The following SSH2 variants were observed in gnomAD, a reference collection of about 807,000 sequenced individuals.
The protein encoded by SSH2 is protein phosphatase Slingshot homolog 2.
A neutral mutation model predicts 135.2 loss-of-function variants in SSH2; 37 were observed. The observed-to-expected ratio is 0.27, with a 90% CI of 0.21 to 0.36. The LOEUF is 0.36. Ranked by LOEUF, SSH2 falls within the 10% of genes least tolerant of loss-of-function variation. The pLI is 1.00. For synonymous variants in SSH2, 628 were observed against 646.2 expected (o/e 0.97, Z 0.43); for missense variants, 1,408 against 1,765.3 (o/e 0.80, Z 3.63).
intron 1 of SSH2, among the ~76,000 whole-genome samples, chr17:29,909,071 C>T (rs1050707764): frequency 1.1e-4 from 17 of 151,590 alleles, no homozygotes; most frequent in Non-Finnish European, 2.2e-4. Context: ...AGCAAGACTC[C>T]GTCTCAAAGG....
intron 1 of SSH2, among the ~76,000 whole-genome samples, chr17:29,853,139 T>G (rs1599094002): frequency 6.9e-6 from 1 of 144,102 alleles, no homozygotes; most frequent in East Asian, 2.1e-4. Context: ...CAGGCGGGAG[T>G]GCAGTGGCGC....
chr17:29,838,122 C>T (rs2042975952), intron 2 of SSH2, among the ~76,000 whole-genome samples: 1 of 152,282 alleles, frequency 6.6e-6, no homozygotes, highest in Non-Finnish European at 1.5e-5. Context: ...TGTCTGGCTT[C>T]TCCTGGCTGT....
At chr17:29,760,419 C>T (rs1364758079) in intron 3 of SSH2, among the ~76,000 whole-genome samples, 1 of 152,104 alleles carries the variant, frequency 6.6e-6, no homozygotes, top group African/African-American at 2.4e-5. Context: ...AGGAAAAGTT[C>T]CTCTACTTGA....
chr17:29,884,226 T>A (rs2066191327), intron 1 of SSH2, among the ~76,000 whole-genome samples: 1 of 152,220 alleles, frequency 6.6e-6, no homozygotes, highest in African/African-American at 2.4e-5. Flanking sequence ...GCTTCCACAC[T>A]ACCAACTCAT....
At chr17:29,637,475 C>T (rs1400125903) in intron 14 of SSH2, among the ~76,000 whole-genome samples, 1 of 152,178 alleles carries the variant, frequency 6.6e-6, no homozygotes, top group Non-Finnish European at 1.5e-5. Flanking sequence ...AATACTACTA[C>T]AAGTACACAC....
intron 15 of SSH2, among the ~76,000 whole-genome samples, chr17:29,635,429 G>C (rs2035862786): frequency 6.6e-6 from 1 of 151,202 alleles, no homozygotes; most frequent in Non-Finnish European, 1.5e-5. Context: ...TTTGAGACAA[G>C]AGTCTTGCTC....
At position 29,631,149 on chromosome 17, in the gene SSH2, A is replaced by C; in HGVS notation, c.4045T>G (p.Ser1349Ala). The C allele has an allele frequency of 6.2e-7, 1 of 1,614,122 alleles. No individual in the cohort carries two copies. Among genetic ancestry groups the C allele is most frequent in the Non-Finnish European group, 8.5e-7 (1 of 1,180,018 alleles). ...GTTGTTGTGAGTTGTTCTACAAAAG[A>C]CTTGGTGGGCTCTGGGTTGTGGGGG... Reference protein sequence around the residue: ...GAPHNPEPTKSFVEQLTTTEC... With the variant: ...GAPHNPEPTKAFVEQLTTTEC... Residue 1349 changes from serine to alanine, a missense_variant, in exon 16 of 16, where the codon TCT (serine) becomes GCT (alanine). Ser to Ala is a moderately conservative substitution (Grantham distance 99, BLOSUM62 1). This residue lies in a region of SSH2 where 1,080 missense variants were observed against 1,144.5 expected (regional missense o/e 0.94). Transcript: ENST00000540801.
chr17:29,778,794 A>T (rs2041770277), intron 3 of SSH2, among the ~76,000 whole-genome samples: 1 of 132,522 alleles, frequency 7.5e-6, no homozygotes, highest in South Asian at 2.4e-4. Context: ...AGATCATGCC[A>T]CTGCACTCTA....
intron 6 of SSH2, among the ~76,000 whole-genome samples, chr17:29,679,964 A>C (rs1047755578): frequency 6.6e-6 from 1 of 152,144 alleles, no homozygotes; most frequent in African/African-American, 2.4e-5. Flanking sequence ...TCTCAGCCTT[A>C]ATTTCTTCAT....
chr17:29,760,805 T>C (rs2041266814), intron 3 of SSH2, among the ~76,000 whole-genome samples: 1 of 151,268 alleles, frequency 6.6e-6, no homozygotes. Context: ...TTCTGTCGAC[T>C]ACCCTTCACC....
rs146585484 is a variant in SSH2, at chr17:29,679,076, C to T, written c.480-1335G>A. Reference sequence around the variant, plus strand: ...GGGCTTTAAGTTAATGGAAGAGGTTCGTACAGAAAGCCATGGACCCCTGAT... The same window carrying T: ...GGGCTTTAAGTTAATGGAAGAGGTTTGTACAGAAAGCCATGGACCCCTGAT... On this transcript the variant is annotated intron_variant, in intron 6 of 15. Transcript: ENST00000540801. 3.8e-3 allele frequency among the ~76,000 whole-genome samples: 580 copies of T among 152,260 alleles called. 5 individuals are homozygous for T. Among genetic ancestry groups the T allele is most frequent in the African/African-American group, 0.013 (548 of 41,544 alleles).
At chr17:29,662,184 A>T (rs2037074708) in intron 11 of SSH2, among the ~76,000 whole-genome samples, 1 of 152,072 alleles carries the variant, frequency 6.6e-6, no homozygotes, top group African/African-American at 2.4e-5. Context: ...TCCATCTTTT[A>T]CTCTGGTTCC....
chr17:29,880,040 G>A (rs1201895634), intron 1 of SSH2, among the ~76,000 whole-genome samples: 2 of 152,176 alleles, frequency 1.3e-5, no homozygotes, highest in African/African-American at 2.4e-5. Flanking sequence ...CATGCTGCTA[G>A]GATGAACAGC....
chr17:29,897,916 A>T lies in SSH2; in HGVS notation c.63+32022T>A, dbSNP rs145238324. 9.2e-4 allele frequency among the ~76,000 whole-genome samples: 140 copies of T among 152,328 alleles called. 2 individuals carry two copies. Among genetic ancestry groups the T allele is most frequent in the Middle Eastern group, 3.4e-3 (1 of 294 alleles). On this transcript the variant is annotated intron_variant, in intron 1 of 15. Coordinates refer to ENST00000540801, the MANE Select transcript of SSH2 (RefSeq NM_001282129.2). ...CAGCAAATGTAAAAGAATAGAAATT[A>T]TAACAAACTATCTCTCAGACCACAG...
intron 2 of SSH2, among the ~76,000 whole-genome samples, chr17:29,803,270 A>G (rs1413015096): frequency 2.0e-5 from 3 of 152,204 alleles, no homozygotes; most frequent in Non-Finnish European, 4.4e-5. Context: ...TGGTATTGCT[A>G]AGGGTCATTC....
At chr17:29,815,729 C>A (rs529445367) in intron 2 of SSH2, among the ~76,000 whole-genome samples, 1 of 152,360 alleles carries the variant, frequency 6.6e-6, no homozygotes, top group South Asian at 2.1e-4. Flanking sequence ...CCCTTTCCTC[C>A]TTCTTTGTAC....
At chr17:29,651,783 G>A (rs1257244948) in intron 12 of SSH2, among the ~76,000 whole-genome samples, 1 of 152,098 alleles carries the variant, frequency 6.6e-6, no homozygotes, top group Non-Finnish European at 1.5e-5. Context: ...TCTCAGACAC[G>A]AATTGAATCT....
At chr17:29,687,581 C>T (rs1008394036) in intron 5 of SSH2, among the ~76,000 whole-genome samples, 4 of 152,082 alleles carry the variant, frequency 2.6e-5, no homozygotes, top group Non-Finnish European at 5.9e-5. Flanking sequence ...TGTGGCAGAC[C>T]GGGAGGCAGT....
intron 5 of SSH2, among the ~76,000 whole-genome samples, chr17:29,688,049 C>G (rs777458527): frequency 2.0e-5 from 3 of 150,286 alleles, no homozygotes; most frequent in African/African-American, 7.3e-5. Context: ...CTCACTCTAT[C>G]GCCCAGGCTG....
Sources: allele counts gnomAD v4.1 joint callset (sites outside exome capture counted in the v4.1 genomes callset), GRCh38; gene constraint gnomAD v4.1.1; regional missense constraint gnomAD v4.1.1; transcripts MANE v1.5; gene names NCBI Gene and HGNC (gene_info 2026-07-23, HGNC 2026-07-21).